ERC1: variants seen among roughly 807,000 people sequenced by gnomAD.
The protein encoded by ERC1 is RAB6 interacting protein 2.
In ERC1, 56 loss-of-function variants were observed where a neutral mutation model predicts 132.0. The observed-to-expected ratio is 0.42, with a 90% CI of 0.34 to 0.53. The LOEUF (loss-of-function observed/expected upper bound fraction) is 0.53, where lower values mean the gene tolerates loss of function less well. ERC1 is among the 20% of genes least tolerant of loss of function. The probability of loss-of-function intolerance (pLI) is 0.03; values close to 1 mark genes in which losing one functional copy is unlikely to be tolerated. For synonymous variants in ERC1, 478 were observed against 476.1 expected (o/e 1.00, Z -0.05); for missense variants, 1,202 against 1,349.9 (o/e 0.89, Z 1.72).
chr12:1,300,394 G>A (rs1049275490), intron 15 of ERC1, among the ~76,000 whole-genome samples: 22 of 151,922 alleles, frequency 1.4e-4, no homozygotes, highest in Non-Finnish European at 2.5e-4. Context: ...TACCATGGGC[G>A]CGGGCAAGGA....
intron 15 of ERC1, among the ~76,000 whole-genome samples, chr12:1,368,749 A>G (rs567632261): frequency 6.6e-6 from 1 of 151,892 alleles, no homozygotes; most frequent in African/African-American, 2.4e-5. Flanking sequence ...CCAAGAGAAC[A>G]ATACTGTCTT....
intron 18 of ERC1, among the ~76,000 whole-genome samples, chr12:1,456,242 T>C (rs959539777): frequency 6.6e-6 from 1 of 152,222 alleles, no homozygotes; most frequent in African/African-American, 2.4e-5. Flanking sequence ...TGTATCGTGA[T>C]TTTACACCAA....
chr12:1,104,337 A>G (rs1469284028), intron 3 of ERC1, among the ~76,000 whole-genome samples: 1 of 152,196 alleles, frequency 6.6e-6, no homozygotes, highest in Non-Finnish European at 1.5e-5. Flanking sequence ...TGCAGTCAGC[A>G]ATGCAGACTG....
chr12:1,054,625 A>G (rs1264522590), intron 2 of ERC1, among the ~76,000 whole-genome samples: 1 of 152,002 alleles, frequency 6.6e-6, no homozygotes, highest in African/African-American at 2.4e-5. Flanking sequence ...GAGTATCTGT[A>G]TGGTTTCCCA....
At chr12:1,487,372 A>ATTTTTTTTTT (rs574707385) in intron 18 of ERC1, among the ~76,000 whole-genome samples, 4 of 57,922 alleles carry the variant, frequency 6.9e-5, no homozygotes, top group East Asian at 6.4e-4. Context: ...AAGCATCTAG[A>ATTTTTTTTTT]TTTTTTTTTT....
At chr12:1,440,361 C>A (rs185325688) in intron 17 of ERC1, among the ~76,000 whole-genome samples, 3 of 149,770 alleles carry the variant, frequency 2.0e-5, no homozygotes, top group East Asian at 2.0e-4. Context: ...CCCGCCACCA[C>A]GCCCGGCTAA....
intron 16 of ERC1, among the ~76,000 whole-genome samples, chr12:1,405,146 TATAAATAAATAA>T (rs60222703): frequency 3.8e-3 from 541 of 142,204 alleles, no homozygotes; most frequent in Non-Finnish European, 5.1e-3. Flanking sequence ...GCTCAAAAAA[TATAAATAAATAA>T]ATAAATAAAT....
At chr12:1,433,062 C>T (rs2154404315) in intron 17 of ERC1, among the ~76,000 whole-genome samples, 1 of 152,336 alleles carries the variant, frequency 6.6e-6, no homozygotes, top group South Asian at 2.1e-4. Flanking sequence ...ACTGTGTCTG[C>T]ATCCAGTGTA....
chr12:1,229,451 T>C (rs1290298656), intron 12 of ERC1, among the ~76,000 whole-genome samples: 1 of 152,190 alleles, frequency 6.6e-6, no homozygotes, highest in Non-Finnish European at 1.5e-5. Flanking sequence ...TATGATGGTG[T>C]CACTGTGCCC....
chr12:1,091,905 A>G (rs993178498), intron 3 of ERC1, among the ~76,000 whole-genome samples: 1 of 152,224 alleles, frequency 6.6e-6, no homozygotes, highest in African/African-American at 2.4e-5. Flanking sequence ...GAAGCAGCAC[A>G]AAGAATTATG....
chr12:1,046,454 A>G (rs933894295), intron 2 of ERC1, among the ~76,000 whole-genome samples: 8 of 152,224 alleles, frequency 5.3e-5, no homozygotes, highest in African/African-American at 1.2e-4. Context: ...ATGAAATTCA[A>G]AATTCAGTGT....
chr12:1,284,537 C>G (rs964796243), intron 14 of ERC1, among the ~76,000 whole-genome samples: 1 of 152,164 alleles, frequency 6.6e-6, no homozygotes, highest in Non-Finnish European at 1.5e-5. Context: ...AGTTGCTGTA[C>G]TAATTTACAT....
At chr12:1,270,807 A>G (rs1029037831) in intron 14 of ERC1, among the ~76,000 whole-genome samples, 8 of 151,888 alleles carry the variant, frequency 5.3e-5, no homozygotes, top group Non-Finnish European at 1.2e-4. Flanking sequence ...TATTGAGAAA[A>G]GTACAAGACA....
intron 17 of ERC1, among the ~76,000 whole-genome samples, chr12:1,412,827 T>C (rs1279371540): frequency 6.6e-6 from 1 of 152,256 alleles, no homozygotes. Flanking sequence ...GCCTTTGTTA[T>C]GCTGTTGCCG....
chr12:1,011,557 A>T (rs1964689653), intron 1 of ERC1, among the ~76,000 whole-genome samples: 1 of 152,206 alleles, frequency 6.6e-6, no homozygotes, highest in Non-Finnish European at 1.5e-5. Context: ...AAATTTTGAC[A>T]ACTATTAGGA....
chr12:1,022,367 G>T (rs957638671), intron 1 of ERC1, among the ~76,000 whole-genome samples: 1 of 152,234 alleles, frequency 6.6e-6, no homozygotes, highest in African/African-American at 2.4e-5. Flanking sequence ...CAGATTTCAT[G>T]AAGAGTGTGT....
intron 11 of ERC1, among the ~76,000 whole-genome samples, chr12:1,186,021 T>C (rs1399398035): frequency 1.3e-5 from 2 of 152,224 alleles, no homozygotes; most frequent in Non-Finnish European, 2.9e-5. Flanking sequence ...TTTTGACAAC[T>C]GATGAAACCT....
intron 15 of ERC1, among the ~76,000 whole-genome samples, chr12:1,363,876 A>G (rs1157731317): frequency 6.6e-6 from 1 of 152,166 alleles, no homozygotes; most frequent in Non-Finnish European, 1.5e-5. Flanking sequence ...TTCTCACTGT[A>G]GGTCAGTTCC....
chr12:1,168,850 A>G (rs1399887038), intron 8 of ERC1, among the ~76,000 whole-genome samples: 1 of 151,924 alleles, frequency 6.6e-6, no homozygotes, highest in Non-Finnish European at 1.5e-5. Flanking sequence ...AATAATTTGT[A>G]ACTTCTCTTA....
Sources: gnomAD v4.1 joint callset for allele counts (sites outside exome capture counted in the v4.1 genomes callset) on GRCh38, gnomAD v4.1.1 for gene constraint, MANE v1.5 for transcripts, NCBI Gene and HGNC (gene_info 2026-07-23, HGNC 2026-07-21) for gene names.